The following NOTCH2 variants were observed in gnomAD, a reference collection of about 807,000 sequenced individuals.
NOTCH2 encodes notch receptor 2.
A neutral mutation model predicts 235.8 loss-of-function variants in NOTCH2; 29 were observed. The ratio of observed to expected loss-of-function variants is 0.12; its 90% CI spans 0.09 to 0.17. NOTCH2 has a LOEUF of 0.17. NOTCH2 is among the 10% of genes least tolerant of loss of function. The probability of loss-of-function intolerance (pLI) is 1.00; values close to 1 mark genes in which losing one functional copy is unlikely to be tolerated. For synonymous variants in NOTCH2, 1,086 were observed against 1,141.5 expected (o/e 0.95, Z 0.98); for missense variants, 2,285 against 3,150.2 (o/e 0.73, Z 6.57).
intron 2 of NOTCH2, among the ~76,000 whole-genome samples, chr1:120,028,879 C>T (rs1169502383): frequency 7.9e-5 from 12 of 151,408 alleles, no homozygotes; most frequent in Admixed American, 7.9e-4. Context: ...ACATATTCCT[C>T]TTAAAAATTT....
rs782416695 is a variant in NOTCH2, at chr1:119,935,410, A to C, written c.3655+62T>G. On this transcript the variant is annotated intron_variant, in intron 22 of 33. Coordinates refer to ENST00000256646, the MANE Select transcript of NOTCH2 (RefSeq NM_024408.4). ...ATTTTATAAAATCCCCTGAACACTA[A>C]GAATGGATTTATAACTTAAGACAAT... 6.2e-7 allele frequency: 1 copy of C among 1,613,654 alleles called. No homozygotes were observed.
chr1:119,927,831 T>C (rs587655170), intron 23 of NOTCH2, among the ~76,000 whole-genome samples: 1 of 152,324 alleles, frequency 6.6e-6, no homozygotes, highest in East Asian at 1.9e-4. Flanking sequence ...TTGATGTTAG[T>C]GTATCCAGGG....
chr1:120,027,635 C>T (rs1396480428), intron 2 of NOTCH2, among the ~76,000 whole-genome samples: 5 of 151,582 alleles, frequency 3.3e-5, no homozygotes, highest in East Asian at 2.0e-4. Flanking sequence ...TTTCCCCCCA[C>T]CCCCTGACAG....
At chr1:120,000,397 G>A (rs1553205127) in intron 3 of NOTCH2, among the ~76,000 whole-genome samples, 1 of 151,160 alleles carries the variant, frequency 6.6e-6, no homozygotes, top group Non-Finnish European at 1.5e-5. Flanking sequence ...AGCCGGGCAT[G>A]GCGGTAGGTG....
intron 27 of NOTCH2, 41 bp downstream of exon 27, chr1:119,922,595 C>A (rs757425311): frequency 6.2e-7 from 1 of 1,613,194 alleles, no homozygotes; most frequent in Non-Finnish European, 8.5e-7. Flanking sequence ...AATTGACACT[C>A]TTCCCCCGCC....
chr1:119,927,520 A>C (rs767133743), intron 23 of NOTCH2, among the ~76,000 whole-genome samples: 34 of 141,748 alleles, frequency 2.4e-4, no homozygotes, highest in Admixed American at 8.7e-4. Context: ...CAATGTATTC[A>C]AGGGATTTTT....
At chr1:119,980,890 C>T (rs1169566055) in intron 5 of NOTCH2, among the ~76,000 whole-genome samples, 7 of 152,130 alleles carry the variant, frequency 4.6e-5, no homozygotes, top group African/African-American at 1.7e-4. Context: ...CTATCATGGC[C>T]GAGCTCTCTT....
chr1:119,953,131 G>A (rs1224652506), intron 14 of NOTCH2, among the ~76,000 whole-genome samples: 3 of 152,134 alleles, frequency 2.0e-5, no homozygotes, highest in Non-Finnish European at 4.4e-5. Context: ...AACCAACATG[G>A]AGAAACCCCG....
chr1:119,960,170 C>A (rs1557822722), intron 11 of NOTCH2, among the ~76,000 whole-genome samples: 2 of 152,116 alleles, frequency 1.3e-5, no homozygotes, highest in African/African-American at 4.8e-5. Flanking sequence ...GTGAAAGCAG[C>A]AAACCTGTCA....
Position 119,920,297 on chromosome 1 carries a change from G to A in NOTCH2, c.5411C>T (p.Ser1804Leu), listed in dbSNP as rs372061331. 14 of 1,614,050 alleles carry A rather than the reference G, an allele frequency of 8.7e-6. No homozygotes were observed. The highest frequency in any genetic ancestry group is 9.3e-6 in the Non-Finnish European group (11 of 1,180,030). Residue 1804 changes from serine (S) to leucine (L), a missense_variant, in exon 30 of 34, where the codon TCG (serine) becomes TTG (leucine). Ser to Leu is a moderately radical substitution (Grantham distance 145, BLOSUM62 -2). Transcript: ENST00000256646. ...LEAADIRRTPSLALTPPQAEQ... is the reference protein window; with the variant it reads ...LEAADIRRTPLLALTPPQAEQ... ...TGCCTGAGGAGGGGTGAGAGCCAGC[G>A]ATGGTGTCCTACGGATGTCTGCAGC...
At chr1:120,023,164 G>A (rs1158647903) in intron 2 of NOTCH2, among the ~76,000 whole-genome samples, 5 of 152,030 alleles carry the variant, frequency 3.3e-5, no homozygotes, top group African/African-American at 4.8e-5. Context: ...TCAGCTGGGT[G>A]TGGTGGCTCA....
chr1:119,956,821 T>A (rs1338467160), intron 12 of NOTCH2, among the ~76,000 whole-genome samples: 7 of 152,220 alleles, frequency 4.6e-5, no homozygotes, highest in African/African-American at 1.7e-4. Flanking sequence ...CAAGCCATCT[T>A]TATCTGAAAG....
intron 26 of NOTCH2, 38 bp from the exon 27 acceptor site, chr1:119,922,816 G>A (rs758663961): frequency 1.2e-6 from 2 of 1,613,004 alleles, no homozygotes; most frequent in Admixed American, 1.7e-5. Flanking sequence ...GAGGAGAGAT[G>A]GGGGTAAAAC....
In NOTCH2 at chr1:119,916,139, C is replaced by T. The variant is rs2101143631; in HGVS notation, c.6583G>A (p.Ala2195Thr). ...ATAAPPAPVHAQHALSFSNLH... is the reference protein window; with the variant it reads ...ATAAPPAPVHTQHALSFSNLH... Reference sequence around the variant, plus strand: ...TTAGAAAAAGATAGTGCATGCTGGGCATGGACTGGGGCAGGAGGGGCGGCA... The same window carrying T: ...TTAGAAAAAGATAGTGCATGCTGGGTATGGACTGGGGCAGGAGGGGCGGCA... Residue 2195 changes from alanine to threonine, a missense_variant, in exon 34 of 34, where the codon GCC (alanine) becomes ACC (threonine). By Grantham distance (58) the Ala-to-Thr change is moderately conservative. This residue lies in a region of NOTCH2 where 504 missense variants were observed against 538.0 expected (regional missense o/e 0.94). Transcript: ENST00000256646. The T allele has an allele frequency of 6.2e-7, 1 of 1,614,164 alleles. No homozygotes were observed. Among genetic ancestry groups the T allele is most frequent in the Non-Finnish European group, 8.5e-7 (1 of 1,180,016 alleles).
rs141161410 is a variant in NOTCH2 at position 119,966,386 on chromosome 1, C to A, written c.1557G>T (p.Leu519=). The part of the protein sequence containing the change: ...CVDKVNRFQC[L]CPPGFTGPVC... ...GTCGTGGGCACTTACCAGGAGGACA[C>A]AGGCACTGGAAACGATTGACTTTAT... is the stretch of plus-strand genomic sequence containing the variant. Residue 519 remains leucine, a synonymous_variant, in exon 9 of 34, where the codon CTG becomes CTT. Transcript: ENST00000256646. 1 of 1,612,866 alleles carries A rather than the reference C, an allele frequency of 6.2e-7. No individual in the cohort carries two copies. The highest frequency in any genetic ancestry group is 8.5e-7 in the Non-Finnish European group (1 of 1,178,888).
rs145717780 is a variant in NOTCH2, at chr1:119,917,407, G to A, written c.6027+258C>T. Among the ~76,000 whole-genome samples the A allele has an allele frequency of 5.0e-3, 758 of 152,280 alleles. 2 individuals carry two copies. The highest frequency in any genetic ancestry group is 7.3e-3 in the Non-Finnish European group (497 of 68,012). On this transcript the variant is annotated intron_variant, in intron 33 of 33. Transcript: ENST00000256646. ...ACAACTGGAGAAAAGGAAATGTCAG[G>A]GAAGAGAAAGAGTTACACCAAGCTA...
chr1:120,012,911 ACTAAAAGAATAATCTTTC>A (rs1459421952), intron 2 of NOTCH2, among the ~76,000 whole-genome samples: 64 of 143,322 alleles, frequency 4.5e-4, no homozygotes, highest in Non-Finnish European at 3.2e-4. Context: ...TAAGCATATG[ACTAAAAGAATAATCTTTC>A]CTAAGCATAA....
At chr1:119,966,714 TAAAAGACATTGGC>T (rs1354634426) in intron 8 of NOTCH2, among the ~76,000 whole-genome samples, 1 of 152,152 alleles carries the variant, frequency 6.6e-6, no homozygotes, top group Non-Finnish European at 1.5e-5. Flanking sequence ...GGGATTACAT[TAAAAGACATTGGC>T]AAGACCTAGC....
chr1:119,919,179 G>T, intron 31 of NOTCH2, 133 bp downstream of exon 31: 1 of 1,002,718 alleles, frequency 1.0e-6, no homozygotes, highest in Non-Finnish European at 1.5e-6. Context: ...CATCTACCAA[G>T]CATGACTCTA....
Sources: gnomAD v4.1 joint callset for allele counts (sites outside exome capture counted in the v4.1 genomes callset) on GRCh38, gnomAD v4.1.1 for gene constraint, gnomAD v4.1.1 regional missense constraint, MANE v1.5 for transcripts, NCBI Gene and HGNC (gene_info 2026-07-23, HGNC 2026-07-21) for gene names.